The following ERCC6L2 variants were observed in gnomAD, a reference collection of about 807,000 sequenced individuals.
The protein encoded by ERCC6L2 is ERCC excision repair 6 like 2, also known as DNA excision repair protein ERCC-6-like 2.
A neutral mutation model predicts 132.0 loss-of-function variants in ERCC6L2; 77 were observed. The observed-to-expected ratio is 0.58, with a 90% CI of 0.49 to 0.71. The LOEUF (loss-of-function observed/expected upper bound fraction) is 0.71, where lower values mean the gene tolerates loss of function less well. Among genes scored for constraint, ERCC6L2 ranks in the 30% least tolerant of loss-of-function variants. The pLI, the probability that ERCC6L2 is intolerant of heterozygous loss-of-function variation, is 0.00. For missense variants in ERCC6L2, 1,542 were observed against 1,837.6 expected, an observed-to-expected ratio of 0.84 and a Z score of 2.94; for synonymous variants, 583 against 632.4, an observed-to-expected ratio of 0.92 and a Z score of 1.17.
intron 1 of ERCC6L2, among the ~76,000 whole-genome samples, chr9:95,880,175 G>A (rs1168909138): frequency 6.6e-6 from 1 of 152,132 alleles, no homozygotes; most frequent in African/African-American, 2.4e-5. Context: ...TCAAAACCCG[G>A]AAGAGGAAAA....
At chr9:95,954,960 G>C (rs562259011) in intron 12 of ERCC6L2, 1 of 454,900 alleles carries the variant, frequency 2.2e-6, no homozygotes, top group African/African-American at 2.0e-5. Context: ...GTAACATATG[G>C]GTGACCTTAT....
chr9:95,923,440 A>G, intron 9 of ERCC6L2, 61 bp downstream of exon 9: 13 of 1,583,274 alleles, frequency 8.2e-6, no homozygotes, highest in Non-Finnish European at 1.0e-5. Context: ...ATTCAGTGGT[A>G]TGACAGAGAC....
chr9:95,898,069 C>T (rs1176299737), intron 3 of ERCC6L2, 98 bp downstream of exon 3: 2 of 1,071,584 alleles, frequency 1.9e-6, no homozygotes, highest in African/African-American at 1.6e-5. Flanking sequence ...TATTGGTATA[C>T]ATTTTAAAAC....
chr9:95,997,049 T>C (rs1833494922), intron 17 of ERCC6L2, among the ~76,000 whole-genome samples: 2 of 152,168 alleles, frequency 1.3e-5, no homozygotes, highest in Non-Finnish European at 2.9e-5. Flanking sequence ...CCTGGTCCAC[T>C]TGGTGAGACT....
In ERCC6L2 at chr9:95,956,029, T is replaced by C; in HGVS notation, c.1947+16T>C. The C allele has an allele frequency of 3.4e-6, 5 of 1,466,050 alleles. No homozygotes were observed. Among genetic ancestry groups the C allele is most frequent in the African/African-American group, 1.4e-5 (1 of 70,816 alleles). 90.8% of individuals were successfully genotyped at this position (1,466,050 alleles called of 1,614,324 possible). A position where few individuals can be genotyped will look rare whatever the true frequency, so the allele number is the denominator to read the frequency against. On this transcript the variant is annotated intron_variant, in intron 13 of 18. Coordinates refer to ENST00000653738, the MANE Select transcript of ERCC6L2 (RefSeq NM_020207.7). ...ATACAAGCAGGTAAATATGTTTCCCTTTTTCTGTTTCAGAGGTCAACATTT... is the reference window on the plus strand; with the variant it reads ...ATACAAGCAGGTAAATATGTTTCCCCTTTTCTGTTTCAGAGGTCAACATTT...
chr9:96,035,208 C>T (rs1834505571), intron 19 of ERCC6L2, among the ~76,000 whole-genome samples: 1 of 152,200 alleles, frequency 6.6e-6, no homozygotes. Context: ...CAGCAGGAGG[C>T]AGACAGATTC....
rs574356592 is a variant in ERCC6L2, at chr9:96,015,306, C to T, written c.*2103C>T. Reference sequence around the variant, plus strand: ...AGTCAAGCAATTCTCCTGCCTCAGCCTCCCGAGTAGCTGGGACTACAGGTG... The same window carrying T: ...AGTCAAGCAATTCTCCTGCCTCAGCTTCCCGAGTAGCTGGGACTACAGGTG... On this transcript the variant is annotated 3_prime_UTR_variant, in exon 19 of 19. Transcript: ENST00000653738. Among the ~76,000 whole-genome samples, 164 of 150,870 alleles carry T rather than the reference C, an allele frequency of 1.1e-3. 1 individual carries two copies. The highest frequency in any genetic ancestry group is 3.8e-3 in the African/African-American group (156 of 41,502).
At chr9:96,020,196 T>G (rs191724766), downstream of ERCC6L2, 213 of 156,284 alleles carry the variant, frequency 1.4e-3, no homozygotes, top group Non-Finnish European at 2.0e-3. Context: ...AAAAATCTTG[T>G]GAACTCACTG....
At chr9:95,911,398 C>G (rs1436081556) in intron 4 of ERCC6L2, among the ~76,000 whole-genome samples, 1 of 151,684 alleles carries the variant, frequency 6.6e-6, no homozygotes, top group Non-Finnish European at 1.5e-5. Flanking sequence ...ATAAGAGTTG[C>G]CAAATAAATG....
chr9:95,975,910 A>G (rs1832650912), intron 16 of ERCC6L2, among the ~76,000 whole-genome samples: 2 of 152,066 alleles, frequency 1.3e-5, no homozygotes, highest in African/African-American at 4.8e-5. Flanking sequence ...CTAAGTTCTT[A>G]TCACTCATTT....
chr9:95,893,400 G>C (rs1828271870), intron 2 of ERCC6L2, among the ~76,000 whole-genome samples: 1 of 152,022 alleles, frequency 6.6e-6, no homozygotes, highest in Non-Finnish European at 1.5e-5. Flanking sequence ...AGATAAATTG[G>C]CTTGTAAATT....
intron 17 of ERCC6L2, among the ~76,000 whole-genome samples, chr9:95,985,348 A>G (rs1187835672): frequency 6.6e-6 from 1 of 152,228 alleles, no homozygotes; most frequent in African/African-American, 2.4e-5. Context: ...CCCGCATGGA[A>G]GTACTGCGTG....
chr9:95,963,528 CCT>C (rs1283203904), intron 13 of ERCC6L2, among the ~76,000 whole-genome samples: 1 of 151,958 alleles, frequency 6.6e-6, no homozygotes, highest in African/African-American at 2.4e-5. Context: ...CTTTCCCCAC[CCT>C]CCACACTCCT....
At chr9:95,921,989 A>C (rs926585529) in intron 7 of ERCC6L2, among the ~76,000 whole-genome samples, 2 of 152,208 alleles carry the variant, frequency 1.3e-5, no homozygotes, top group Admixed American at 6.5e-5. Context: ...TAGCACTGCC[A>C]CTGCACTTAG....
intron 13 of ERCC6L2, among the ~76,000 whole-genome samples, chr9:95,963,150 TG>T (rs1831990696): frequency 6.0e-5 from 1 of 16,552 alleles, no homozygotes; most frequent in African/African-American, 6.8e-4. Context: ...ATCTCGTCTG[TG>T]TGTGTGTGTG....
chr9:96,001,679 T>G (rs1198641341), intron 17 of ERCC6L2, among the ~76,000 whole-genome samples: 1 of 152,270 alleles, frequency 6.6e-6, no homozygotes, highest in Non-Finnish European at 1.5e-5. Flanking sequence ...GCACCGGGGC[T>G]GCAGGTGGAG....
chr9:95,927,612 A>T (rs1830156620), intron 9 of ERCC6L2, among the ~76,000 whole-genome samples: 1 of 152,208 alleles, frequency 6.6e-6, no homozygotes, highest in African/African-American at 2.4e-5. Context: ...CTGACTGATT[A>T]TTCTAAGAAA....
rs140907853 is a variant in ERCC6L2 at position 96,013,078 on chromosome 9, G to A, written c.4528G>A (p.Ala1510Thr). Residue 1510 changes from alanine (A) to threonine (T), a missense_variant, in exon 19 of 19, where the codon GCA becomes ACA. Physicochemically the swap from Ala to Thr is moderately conservative, Grantham distance 58. Transcript: ENST00000653738. The part of the protein sequence containing the change: ...ETLCEKAPLA[A>T]PFKRREEPAT... ...TCTGTGTGAAAAAGCACCTCTAGCAGCACCCTTTAAAAGGAGAGAAGAGCC... is the reference window on the plus strand; with the variant it reads ...TCTGTGTGAAAAAGCACCTCTAGCAACACCCTTTAAAAGGAGAGAAGAGCC... The A allele has an allele frequency of 3.2e-5, 44 of 1,367,602 alleles. No homozygotes were observed. The highest frequency in any genetic ancestry group is 4.0e-5 in the Non-Finnish European group (41 of 1,021,856). 84.7% of individuals were successfully genotyped at this position (1,367,602 alleles called of 1,614,324 possible). A position where few individuals can be genotyped will look rare whatever the true frequency, so the allele number is the denominator to read the frequency against.
chr9:95,895,928 G>A lies in ERCC6L2; in HGVS notation c.472-1921G>A, dbSNP rs148421705. ...TTTTTAGTAGAGACGGGGTTTCACC[G>A]TGTTAGCCAGGATGGTCTTGATCTC... On this transcript the variant is annotated intron_variant, in intron 2 of 18. Transcript: ENST00000653738. Among the ~76,000 whole-genome samples, 310 of 152,024 alleles carry A rather than the reference G, an allele frequency of 2.0e-3. 2 individuals carry two copies. Among genetic ancestry groups the A allele is most frequent in the African/African-American group, 7.1e-3 (295 of 41,462 alleles).
Sources: allele counts gnomAD v4.1 joint callset (sites outside exome capture counted in the v4.1 genomes callset), GRCh38; gene constraint gnomAD v4.1.1; transcripts MANE v1.5; gene names NCBI Gene and HGNC (gene_info 2026-07-23, HGNC 2026-07-21).